SGCZ: variants seen among roughly 807,000 people sequenced by gnomAD.
SGCZ encodes sarcoglycan zeta.
In SGCZ, 40 loss-of-function variants were observed where a neutral mutation model predicts 41.3. That is an observed-to-expected ratio of 0.97 (90% CI 0.75 to 1.26). The LOEUF (loss-of-function observed/expected upper bound fraction) is 1.26. Among genes scored for constraint, SGCZ ranks in the 50% most tolerant of loss-of-function variants. The pLI is 0.00. For synonymous variants in SGCZ, 206 were observed against 137.5 expected (o/e 1.50, Z -3.49); for missense variants, 552 against 369.8 (o/e 1.49, Z -4.04).
At chr8:14,586,460 G>A (rs1447694363) in intron 1 of SGCZ, among the ~76,000 whole-genome samples, 1 of 152,082 alleles carries the variant, frequency 6.6e-6, no homozygotes, top group Admixed American at 6.5e-5. Flanking sequence ...CAATCTGCCC[G>A]CCTAGGCTTT....
chr8:14,595,031 T>G (rs931508397), intron 1 of SGCZ, among the ~76,000 whole-genome samples: 1 of 150,810 alleles, frequency 6.6e-6, no homozygotes, highest in Admixed American at 6.6e-5. Flanking sequence ...ATACTTCGTC[T>G]AATACTTTTT....
chr8:14,638,718 C>T (rs1806918343), intron 1 of SGCZ, among the ~76,000 whole-genome samples: 1 of 151,732 alleles, frequency 6.6e-6, no homozygotes, highest in Non-Finnish European at 1.5e-5. Context: ...GCTCCTCCAC[C>T]CATTGTAGAG....
chr8:14,099,151 T>C (rs908924447), intron 7 of SGCZ, among the ~76,000 whole-genome samples: 1 of 152,162 alleles, frequency 6.6e-6, no homozygotes, highest in East Asian at 1.9e-4. Context: ...CTTTCCAACA[T>C]AGCATTCCTG....
intron 1 of SGCZ, among the ~76,000 whole-genome samples, chr8:14,962,983 C>T (rs1801010306): frequency 6.6e-6 from 1 of 152,076 alleles, no homozygotes; most frequent in African/African-American, 2.4e-5. Flanking sequence ...TTACTTTAGG[C>T]AAAACTGAAA....
intron 4 of SGCZ, among the ~76,000 whole-genome samples, chr8:14,205,217 T>G (rs778606129): frequency 1.3e-5 from 2 of 151,792 alleles, no homozygotes; most frequent in Non-Finnish European, 2.9e-5. Context: ...ATAAGCAGAG[T>G]ACAAAATGAC....
intron 7 of SGCZ, among the ~76,000 whole-genome samples, chr8:14,096,849 A>T (rs957407717): frequency 5.3e-5 from 8 of 152,172 alleles, no homozygotes; most frequent in Non-Finnish European, 1.0e-4. Flanking sequence ...GTATGTGTCC[A>T]GGAATTTATC....
intron 1 of SGCZ, among the ~76,000 whole-genome samples, chr8:15,101,733 C>A (rs1806622331): frequency 1.3e-5 from 2 of 152,082 alleles, no homozygotes; most frequent in African/African-American, 4.8e-5. Flanking sequence ...CATTTGAGAC[C>A]AGCCTGGAAA....
intron 1 of SGCZ, among the ~76,000 whole-genome samples, chr8:14,564,309 G>C (rs936740114): frequency 1.5e-5 from 1 of 66,776 alleles, no homozygotes; most frequent in Admixed American, 1.9e-4. Context: ...CTGTTCATTA[G>C]GTGTTGATCA....
chr8:14,503,828 T>G (rs1802226890), intron 2 of SGCZ, among the ~76,000 whole-genome samples: 1 of 152,102 alleles, frequency 6.6e-6, no homozygotes, highest in African/African-American at 2.4e-5. Flanking sequence ...TCTGAAAATT[T>G]AAAAATACAT....
chr8:14,349,016 T>C (rs1483155362), intron 2 of SGCZ, among the ~76,000 whole-genome samples: 1 of 152,102 alleles, frequency 6.6e-6, no homozygotes, highest in Non-Finnish European at 1.5e-5. Context: ...TCCAAACTAA[T>C]AGTAATCATC....
chr8:15,113,594 C>G (rs997560271), intron 1 of SGCZ, among the ~76,000 whole-genome samples: 4 of 152,202 alleles, frequency 2.6e-5, no homozygotes, highest in African/African-American at 9.7e-5. Context: ...GAGCATGTCT[C>G]TTCGGCATGA....
chr8:14,757,296 G>A (rs865834597), intron 1 of SGCZ, among the ~76,000 whole-genome samples: 4 of 152,106 alleles, frequency 2.6e-5, no homozygotes, highest in Admixed American at 6.5e-5. Context: ...TGATCCATCC[G>A]CCTCAGCCTC....
chr8:15,068,322 A>G (rs974112931), intron 1 of SGCZ, among the ~76,000 whole-genome samples: 1 of 152,164 alleles, frequency 6.6e-6, no homozygotes. Context: ...TTCCAATTCA[A>G]TATCTCTTTT....
chr8:14,375,830 ACCAATGGAAT>A (rs1804101180), intron 2 of SGCZ, among the ~76,000 whole-genome samples: 2 of 152,328 alleles, frequency 1.3e-5, no homozygotes, highest in South Asian at 4.1e-4. Context: ...CAATAAATAA[ACCAATGGAAT>A]CCAAAACAAA....
chr8:14,997,003 G>T (rs1320869512), intron 1 of SGCZ, among the ~76,000 whole-genome samples: 2 of 152,162 alleles, frequency 1.3e-5, no homozygotes, highest in African/African-American at 4.8e-5. Context: ...TTTGAAAAGG[G>T]TAGTTATGTT....
At chr8:14,153,128 T>C (rs1803760444) in intron 5 of SGCZ, among the ~76,000 whole-genome samples, 2 of 152,178 alleles carry the variant, frequency 1.3e-5, no homozygotes, top group South Asian at 4.1e-4. Flanking sequence ...AGTTGTAATA[T>C]GGTATTACAG....
intron 2 of SGCZ, among the ~76,000 whole-genome samples, chr8:14,484,593 A>G (rs7829742): frequency 0.91 from 137,740 of 152,142 alleles, 63,711 homozygotes; most frequent in East Asian, 1. Context: ...TAGATCTGGA[A>G]TTATATTTTA....
chr8:14,131,405 T>C (rs117411570), intron 5 of SGCZ, among the ~76,000 whole-genome samples: 2 of 152,108 alleles, frequency 1.3e-5, no homozygotes, highest in Admixed American at 6.5e-5. Flanking sequence ...GGTTGACAAG[T>C]TGTTGTTGTT....
intron 1 of SGCZ, among the ~76,000 whole-genome samples, chr8:15,092,137 C>T (rs1164856717): frequency 6.6e-6 from 1 of 152,116 alleles, no homozygotes; most frequent in Non-Finnish European, 1.5e-5. Context: ...TCAGTGAAAA[C>T]GCTGGTCTTA....
Sources: gnomAD v4.1 joint callset for allele counts (sites outside exome capture counted in the v4.1 genomes callset) on GRCh38, gnomAD v4.1.1 for gene constraint, MANE v1.5 for transcripts, NCBI Gene and HGNC (gene_info 2026-07-23, HGNC 2026-07-21) for gene names.